RSRC1: variants seen among roughly 807,000 people sequenced by gnomAD.
RSRC1 encodes serine/Arginine-related protein 53.
In RSRC1, 39 loss-of-function variants were observed where a neutral mutation model predicts 49.1. The observed-to-expected ratio is 0.79, with a 90% CI of 0.61 to 1.04. The LOEUF is 1.04. Among genes scored for constraint, RSRC1 ranks in the 50% least tolerant of loss-of-function variants. The probability of loss-of-function intolerance (pLI) is 0.00; values close to 1 mark genes in which losing one functional copy is unlikely to be tolerated. For missense variants in RSRC1, 388 were observed against 402.4 expected (o/e 0.96, Z 0.31); for synonymous variants, 143 against 130.8 (o/e 1.09, Z -0.63).
At chr3:158,372,092 T>C (rs1732111925) in intron 6 of RSRC1, among the ~76,000 whole-genome samples, 1 of 150,962 alleles carries the variant, frequency 6.6e-6, no homozygotes, top group African/African-American at 2.4e-5. Context: ...AAATATGTTA[T>C]TTGCAAGTAT....
intron 5 of RSRC1, among the ~76,000 whole-genome samples, chr3:158,316,244 C>CA (rs909296757): frequency 1.3e-4 from 19 of 151,926 alleles, no homozygotes; most frequent in African/African-American, 4.1e-4. Flanking sequence ...CCTTTATGCT[C>CA]ACGGCTGTTG....
intron 4 of RSRC1, among the ~76,000 whole-genome samples, chr3:158,229,365 C>G (rs1333654003): frequency 9.1e-6 from 1 of 109,796 alleles, no homozygotes. Context: ...CACATATACA[C>G]ACGTATATGT....
intron 5 of RSRC1, among the ~76,000 whole-genome samples, chr3:158,323,065 A>G (rs1050985370): frequency 1.3e-5 from 2 of 151,134 alleles, no homozygotes; most frequent in Admixed American, 6.6e-5. Context: ...TTTTTTTTCT[A>G]ATGTCTAGTA....
Position 158,313,927 on chromosome 3 carries a change from A to G in RSRC1, c.531+15852A>G, listed in dbSNP as rs141247952. ...TAGCATTTTATTTCCAAAAACATTTAAAGTTTTTACAGAACCATAAAGGTG... is the reference window on the plus strand; with the variant it reads ...TAGCATTTTATTTCCAAAAACATTTGAAGTTTTTACAGAACCATAAAGGTG... On this transcript the variant is annotated intron_variant, in intron 5 of 9. Coordinates refer to ENST00000611884, the MANE Select transcript of RSRC1 (RefSeq NM_001271838.2). 8.9e-3 allele frequency among the ~76,000 whole-genome samples: 1,354 copies of G among 152,362 alleles called. 13 individuals are homozygous for G. Among genetic ancestry groups the G allele is most frequent in the African/African-American group, 0.031 (1,285 of 41,582 alleles).
chr3:158,324,785 C>T (rs1728981313), intron 5 of RSRC1, among the ~76,000 whole-genome samples: 2 of 152,168 alleles, frequency 1.3e-5, no homozygotes, highest in Non-Finnish European at 2.9e-5. Context: ...ATTTCTAGTT[C>T]TAGATCCTTG....
chr3:158,543,420 A>T lies in RSRC1; in HGVS notation c.845A>T (p.Glu282Val), dbSNP rs769479605. 1.2e-6 allele frequency: 2 copies of T among 1,612,150 alleles called. No homozygotes were observed. Among genetic ancestry groups the T allele is most frequent in the Non-Finnish European group, 8.5e-7 (1 of 1,179,124 alleles). The change falls in exon 9 of 10, where the codon GAA (glutamate) becomes GTA (valine). Residue 282 changes from glutamate to valine, a missense_variant. By Grantham distance (121) the Glu-to-Val change is moderately radical. Coordinates refer to ENST00000611884, the MANE Select transcript of RSRC1 (RefSeq NM_001271838.2). ...GCTGATCCACCCAGTACTGAAAAAGAAATAGATCCTACCAGCATCCCTACT... is the reference window on the plus strand; with the variant it reads ...GCTGATCCACCCAGTACTGAAAAAGTAATAGATCCTACCAGCATCCCTACT... The part of the protein sequence containing the change: ...AVADPPSTEK[E>V]IDPTSIPTAI...
intron 3 of RSRC1, among the ~76,000 whole-genome samples, chr3:158,126,775 A>G (rs973953676): frequency 1.3e-5 from 2 of 152,174 alleles, no homozygotes; most frequent in Non-Finnish European, 2.9e-5. Context: ...CTGGTAGTGA[A>G]GAACTCCCTT....
intron 4 of RSRC1, among the ~76,000 whole-genome samples, chr3:158,209,273 G>A (rs1319951491): frequency 2.6e-5 from 4 of 152,040 alleles, no homozygotes; most frequent in African/African-American, 9.7e-5. Context: ...CAAGGGAGTG[G>A]GTATGCTATC....
At chr3:158,232,705 T>A (rs944350990) in intron 4 of RSRC1, among the ~76,000 whole-genome samples, 7 of 152,074 alleles carry the variant, frequency 4.6e-5, no homozygotes, top group African/African-American at 1.7e-4. Context: ...CACGGCATAA[T>A]TTTAGATAAT....
chr3:158,198,880 A>G (rs1720839202), intron 3 of RSRC1, among the ~76,000 whole-genome samples: 1 of 152,156 alleles, frequency 6.6e-6, no homozygotes. Flanking sequence ...CTTCTTTATT[A>G]AGTGAACCCA....
chr3:158,252,359 G>T lies in RSRC1; in HGVS notation c.495-45680G>T, dbSNP rs555297016. On this transcript the variant is annotated intron_variant, in intron 4 of 9. Transcript: ENST00000611884. ...TGTATTTTTTTTAAGTAGAGATGGG[G>T]TTTCACTGTGTTAGCCAGGATGGTC... Among the ~76,000 whole-genome samples, 157 of 151,898 alleles carry T rather than the reference G, an allele frequency of 1.0e-3. 1 individual carries two copies. The highest frequency in any genetic ancestry group is 3.5e-3 in the African/African-American group (147 of 41,432).
At chr3:158,520,993 G>A (rs1711641119) in intron 7 of RSRC1, among the ~76,000 whole-genome samples, 1 of 152,024 alleles carries the variant, frequency 6.6e-6, no homozygotes, top group Non-Finnish European at 1.5e-5. Flanking sequence ...CTACAAACTG[G>A]TAAACATACC....
At chr3:158,418,402 T>C (rs1252259217) in intron 6 of RSRC1, among the ~76,000 whole-genome samples, 1 of 152,008 alleles carries the variant, frequency 6.6e-6, no homozygotes, top group Non-Finnish European at 1.5e-5. Flanking sequence ...AATACTTATT[T>C]ATATGGACAT....
At chr3:158,504,216 G>A (rs1739745228) in intron 7 of RSRC1, among the ~76,000 whole-genome samples, 1 of 152,198 alleles carries the variant, frequency 6.6e-6, no homozygotes, top group Non-Finnish European at 1.5e-5. Context: ...GGCACTCACA[G>A]TATTTGGGAT....
At chr3:158,421,588 A>G (rs1735057835) in intron 6 of RSRC1, among the ~76,000 whole-genome samples, 1 of 151,866 alleles carries the variant, frequency 6.6e-6, no homozygotes, top group Non-Finnish European at 1.5e-5. Context: ...AAAATTCAGG[A>G]TTAATGGTTG....
At chr3:158,227,269 C>A (rs139262169) in intron 4 of RSRC1, among the ~76,000 whole-genome samples, 1 of 152,024 alleles carries the variant, frequency 6.6e-6, no homozygotes, top group East Asian at 1.9e-4. Flanking sequence ...AACTCAGTTA[C>A]TAAATATGGA....
At chr3:158,449,414 A>G (rs1013004123) in intron 6 of RSRC1, among the ~76,000 whole-genome samples, 8 of 151,966 alleles carry the variant, frequency 5.3e-5, no homozygotes, top group African/African-American at 1.9e-4. Context: ...GTTGGGAAAC[A>G]TAGACTAAGT....
At chr3:158,383,048 G>A (rs745560348) in intron 6 of RSRC1, among the ~76,000 whole-genome samples, 1 of 152,132 alleles carries the variant, frequency 6.6e-6, no homozygotes, top group African/African-American at 2.4e-5. Context: ...AGTAGAAAGT[G>A]CTTAAATTTG....
Position 158,202,562 on chromosome 3 carries a change from T to TTA in RSRC1, c.321-492_321-491dup, listed in dbSNP as rs56789942. 3.9e-3 allele frequency among the ~76,000 whole-genome samples: 358 copies of TTA among 91,986 alleles called. 21 individuals are homozygous for TTA. The highest frequency in any genetic ancestry group is 0.016 in the South Asian group (45 of 2,842). The allele number at this position is 91,986 out of a possible 152,430, so 60.3% of individuals were successfully genotyped here. On this transcript the variant is annotated intron_variant, in intron 3 of 9. Transcript: ENST00000611884. ...TCTGTAGGGTTGTCAGTCTGGTAGA[T>TTA]TATATATATATATATATATGTTTTA... is the stretch of plus-strand genomic sequence containing the variant.
Sources: gnomAD v4.1 joint callset for allele counts (sites outside exome capture counted in the v4.1 genomes callset) on GRCh38, gnomAD v4.1.1 for gene constraint, MANE v1.5 for transcripts, NCBI Gene and HGNC (gene_info 2026-07-23, HGNC 2026-07-21) for gene names.